The following PCDHGA8 variants were observed in gnomAD, a reference collection of about 807,000 sequenced individuals.
PCDHGA8 encodes protocadherin gamma subfamily A, 8, also known as protocadherin gamma-A8.
PCDHGA8 carries 45 observed loss-of-function variants against 59.2 expected under a neutral mutation model. The observed-to-expected ratio is 0.76, with a 90% CI of 0.60 to 0.98. The LOEUF is 0.98. Ranked by LOEUF, PCDHGA8 falls within the 50% of genes least tolerant of loss-of-function variation. PCDHGA8 has a pLI of 0.00. For synonymous variants in PCDHGA8, 531 were observed against 519.0 expected (o/e 1.02, Z -0.32); for missense variants, 1,257 against 1,196.2 (o/e 1.05, Z -0.75).
Position 141,392,972 on chromosome 5 carries a change from G to C in PCDHGA8, c.159G>C (p.Gly53=), listed in dbSNP as rs2092640426. The change falls in exon 1 of 4, where the codon GGG becomes GGC. Residue 53 remains glycine, a synonymous_variant. Coordinates refer to ENST00000398604, the MANE Select transcript of PCDHGA8 (RefSeq NM_032088.2). ...TGGGTAATATCTCCAAGGACCTGGG[G>C]CTGGACCCCCGGAAGCTGGCGAAGC... ...SFVGNISKDL[G]LDPRKLAKHG... is the part of the protein sequence containing the mutation. The C allele has an allele frequency of 6.2e-7, 1 of 1,613,802 alleles. No homozygotes were observed. The highest frequency in any genetic ancestry group is 1.3e-5 in the African/African-American group (1 of 74,930).
At position 141,486,001 on chromosome 5, in the gene PCDHGA8, C is replaced by G. The variant is rs771993915; in HGVS notation, c.2425-8806C>G. 6.2e-7 allele frequency: 1 copy of G among 1,614,194 alleles called. No homozygotes were observed. Among genetic ancestry groups the G allele is most frequent in the Non-Finnish European group, 8.5e-7 (1 of 1,180,024 alleles). On this transcript the variant is annotated intron_variant, in intron 1 of 3. Transcript: ENST00000398604. The surrounding 1 kb of genome is among the most constrained non-coding windows in gnomAD (Gnocchi z 5.0). ...ACCCGGACCTGGGTCCCAGTGGTAACGTCACCTTTTATTTCAGTGGTCATA... is the reference window on the plus strand; with the variant it reads ...ACCCGGACCTGGGTCCCAGTGGTAAGGTCACCTTTTATTTCAGTGGTCATA...
intron 2 of PCDHGA8, among the ~76,000 whole-genome samples, chr5:141,502,686 C>T (rs2099815631): frequency 6.6e-6 from 1 of 152,136 alleles, no homozygotes; most frequent in Admixed American, 6.5e-5. Flanking sequence ...CCCTGATGAT[C>T]CTTGCCTGTA....
In PCDHGA8 at chr5:141,476,466, A is replaced by C. The variant is rs771760524; in HGVS notation, c.2425-18341A>C. The C allele has an allele frequency of 6.2e-7, 1 of 1,613,996 alleles. No individual in the cohort carries two copies. Reference sequence around the variant, plus strand: ...GAGTTGGTAGTGGAGAACCCGCTGGAGCTGTTCAGCGTGGAAGTGGTGATC... The same window carrying C: ...GAGTTGGTAGTGGAGAACCCGCTGGCGCTGTTCAGCGTGGAAGTGGTGATC... On this transcript the variant is annotated intron_variant, in intron 1 of 3. Transcript: ENST00000398604. This position sits in a 1 kb window ranked among gnomAD's most constrained non-coding sequence, Gnocchi z 7.6.
chr5:141,487,623 C>T lies in PCDHGA8; in HGVS notation c.2425-7184C>T, dbSNP rs2099654624. On this transcript the variant is annotated intron_variant, in intron 1 of 3. Coordinates refer to ENST00000398604, the MANE Select transcript of PCDHGA8 (RefSeq NM_032088.2). This position sits in a 1 kb window ranked among gnomAD's most constrained non-coding sequence, Gnocchi z 5.0. The stretch of plus-strand genomic sequence containing the variant: ...CTTCTCTATGGGCTAGAGGTGAGAC[C>T]TTTGCAGGCTCAACAAATGCTTGAG... 6.2e-7 allele frequency: 1 copy of T among 1,614,088 alleles called. No individual in the cohort carries two copies. The highest frequency in any genetic ancestry group is 1.3e-5 in the African/African-American group (1 of 74,930).
Position 141,392,980 on chromosome 5 carries a change from C to T in PCDHGA8, c.167C>T (p.Pro56Leu), listed in dbSNP as rs1327544903. ...GNISKDLGLD[P>L]RKLAKHGVRI... The stretch of plus-strand genomic sequence containing the variant: ...ATCTCCAAGGACCTGGGGCTGGACC[C>T]CCGGAAGCTGGCGAAGCACGGAGTC... Residue 56 changes from proline to leucine, a missense_variant, in exon 1 of 4, where the codon CCC becomes CTC. By Grantham distance (98) the Pro-to-Leu change is moderately conservative. Coordinates refer to ENST00000398604, the MANE Select transcript of PCDHGA8 (RefSeq NM_032088.2). The T allele has an allele frequency of 6.2e-7, 1 of 1,613,716 alleles. No homozygotes were observed. The highest frequency in any genetic ancestry group is 8.5e-7 in the Non-Finnish European group (1 of 1,179,876).
intron 1 of PCDHGA8, chr5:141,427,889 G>A: frequency 1.3e-6 from 2 of 1,566,516 alleles, no homozygotes; most frequent in Non-Finnish European, 1.7e-6. Context: ...CCCACGACCA[G>A]GGCTCGCCCG....
At chr5:141,446,039 A>G (rs1349676116) in intron 1 of PCDHGA8, among the ~76,000 whole-genome samples, 1 of 152,180 alleles carries the variant, frequency 6.6e-6, no homozygotes, top group African/African-American at 2.4e-5. Context: ...TAAGAAATGG[A>G]AGAAGAGCTG....
chr5:141,494,778 CA>C (rs1228639033), intron 1 of PCDHGA8, 28 bp from the exon 2 acceptor site: 1 of 1,614,086 alleles, frequency 6.2e-7, no homozygotes, highest in Admixed American at 1.7e-5. Flanking sequence ...CACGGGTACT[CA>C]GCCCCTTTCC....
intron 1 of PCDHGA8, chr5:141,422,001 C>T (rs2096616874): frequency 6.2e-7 from 1 of 1,609,114 alleles, no homozygotes; most frequent in Non-Finnish European, 8.5e-7. Context: ...ACATCAGCTC[C>T]GGAACTCGGG....
In PCDHGA8 at chr5:141,485,539, G is replaced by T; in HGVS notation, c.2425-9268G>T. 6.2e-7 allele frequency: 1 copy of T among 1,614,104 alleles called. No individual in the cohort carries two copies. Among genetic ancestry groups the T allele is most frequent in the Non-Finnish European group, 8.5e-7 (1 of 1,179,998 alleles). On this transcript the variant is annotated intron_variant, in intron 1 of 3. Coordinates refer to ENST00000398604, the MANE Select transcript of PCDHGA8 (RefSeq NM_032088.2). This position sits in a 1 kb window ranked among gnomAD's most constrained non-coding sequence, Gnocchi z 5.7. ...TGGAAATGTACCGAGCAGAGGTAGA[G>T]ATCGTAGATGTGAATGATCACGCCC...
At chr5:141,404,289 A>T in intron 1 of PCDHGA8, 1 of 1,614,006 alleles carries the variant, frequency 6.2e-7, no homozygotes. Context: ...ACTGACATCA[A>T]TGATAATCCA....
At chr5:141,421,185 C>T in intron 1 of PCDHGA8, 1 of 1,463,494 alleles carries the variant, frequency 6.8e-7, no homozygotes, top group Non-Finnish European at 9.1e-7. Flanking sequence ...GATTCACAAC[C>T]AACCAGCTCG....
At chr5:141,401,599 G>A (rs368569328) in intron 1 of PCDHGA8, among the ~76,000 whole-genome samples, 22 of 152,278 alleles carry the variant, frequency 1.4e-4, no homozygotes, top group African/African-American at 4.8e-4. Context: ...CTTGAAGAAG[G>A]GGAAAAAGAC....
At chr5:141,415,095 C>A (rs1045755927) in intron 1 of PCDHGA8, 2 of 1,613,466 alleles carry the variant, frequency 1.2e-6, no homozygotes, top group East Asian at 2.2e-5. Flanking sequence ...TGGACAGAGA[C>A]GCGCTCAAGC....
intron 1 of PCDHGA8, chr5:141,427,931 G>C: frequency 6.3e-7 from 1 of 1,583,764 alleles, no homozygotes; most frequent in Non-Finnish European, 8.6e-7. Flanking sequence ...GGCGCATGTT[G>C]GTGGGCGACC....
chr5:141,401,429 G>A lies in PCDHGA8; in HGVS notation c.2424+6192G>A, dbSNP rs1305820458. ...AGAGAAAGAGAGAGACTGATTCACT[G>A]AACTTAGAAGGTCCAAATCATCCAA... On this transcript the variant is annotated intron_variant, in intron 1 of 3. Coordinates refer to ENST00000398604, the MANE Select transcript of PCDHGA8 (RefSeq NM_032088.2). Among the ~76,000 whole-genome samples the A allele has an allele frequency of 2.6e-5, 4 of 152,182 alleles. No homozygotes were observed. In the East Asian group the frequency reaches 7.7e-4, roughly 29 times the overall value.
intron 2 of PCDHGA8, among the ~76,000 whole-genome samples, chr5:141,499,384 A>G (rs2099791576): frequency 6.6e-6 from 1 of 152,200 alleles, no homozygotes. Context: ...TTTTCCACTT[A>G]TAAAATAGTA....
In PCDHGA8 at chr5:141,393,983, A is replaced by T; in HGVS notation, c.1170A>T (p.Leu390Phe). Residue 390 changes from leucine to phenylalanine, a missense_variant, in exon 1 of 4, where the codon TTA becomes TTT. Transcript: ENST00000398604. ...GQVVCYTRDN[L>F]PFKLEKSIGN... is the part of the protein sequence containing the mutation. ...TTGTCTGTTACACACGTGATAATTT[A>T]CCTTTTAAATTAGAAAAGTCAATAG... 3 of 1,613,710 alleles carry T rather than the reference A, an allele frequency of 1.9e-6. No homozygotes were observed. The highest frequency in any genetic ancestry group is 2.5e-6 in the Non-Finnish European group (3 of 1,179,778).
At chr5:141,442,006 G>T (rs540427406) in intron 1 of PCDHGA8, 2 of 229,074 alleles carry the variant, frequency 8.7e-6, no homozygotes, top group South Asian at 4.9e-5. Flanking sequence ...CTGACAGCTC[G>T]CACGATGGGC....
Sources: gnomAD v4.1 joint callset for allele counts (sites outside exome capture counted in the v4.1 genomes callset) on GRCh38, gnomAD v4.1.1 for gene constraint, Gnocchi (gnomAD v3.1) non-coding constraint, MANE v1.5 for transcripts, NCBI Gene and HGNC (gene_info 2026-07-23, HGNC 2026-07-21) for gene names.